Variants in ACYP1 observed in about 807,000 individuals in gnomAD.
The protein encoded by ACYP1 is acylphosphatase 1.
ACYP1 carries 8 observed loss-of-function variants against 10.4 expected under a neutral mutation model. That is an observed-to-expected ratio of 0.77 (90% CI 0.45 to 1.38). ACYP1 has a LOEUF of 1.38. Among genes scored for constraint, ACYP1 ranks in the 40% most tolerant of loss-of-function variants. The pLI is 0.00. For synonymous variants in ACYP1, 38 were observed against 40.8 expected, an observed-to-expected ratio of 0.93 and a Z score of 0.26; for missense variants, 93 against 117.3, an observed-to-expected ratio of 0.79 and a Z score of 0.96.
At chr14:75,068,509 G>C (rs1225248409), upstream of ACYP1, among the ~76,000 whole-genome samples, 1 of 151,802 alleles carries the variant, frequency 6.6e-6, no homozygotes, top group Non-Finnish European at 1.5e-5. Flanking sequence ...GAGGGAGACA[G>C]ACAGAGACAG....
upstream of ACYP1, among the ~76,000 whole-genome samples, chr14:75,068,467 TAGAGGAGAGGGAAGGAGAGAGAG>T (rs1893199372): frequency 6.7e-6 from 1 of 150,044 alleles, no homozygotes; most frequent in Non-Finnish European, 1.5e-5. Flanking sequence ...TTCTTTCTCA[TAGAGGAGAGGGAAGGAGAGAGAG>T]AGAGGAGAGA....
At chr14:75,065,805 A>T (rs1893133384), upstream of ACYP1, among the ~76,000 whole-genome samples, 1 of 152,250 alleles carries the variant, frequency 6.6e-6, no homozygotes, top group Non-Finnish European at 1.5e-5. Flanking sequence ...ACAGGGAAAG[A>T]GTTCTTGGAG....
intron 2 of ACYP1, chr14:75,063,234 T>C (rs1234830247): frequency 2.0e-5 from 10 of 504,572 alleles, no homozygotes; most frequent in Non-Finnish European, 3.6e-5. Flanking sequence ...AGCTCATTAA[T>C]ATGTGTATCT....
rs550829508 is a variant in ACYP1, at chr14:75,053,545, C to A, written c.199G>T (p.Glu67Ter). The change falls in exon 3 of 3, where the codon GAA becomes TAA. Residue 67 changes from glutamate (E) to a stop codon, truncating the protein, a stop_gained. Transcript: ENST00000238618. LOFTEE classifies it high-confidence loss of function. ...TGTGATTTAGGACTTCCTCTTGTTT[C>A]AAGCCATTCCTGCATATGACGCACC... ...SKVRHMQEWLETRGSPKSHID... is the reference protein window; with the variant it reads ...SKVRHMQEWL 1.2e-6 allele frequency: 2 copies of A among 1,614,176 alleles called. No individual in the cohort carries two copies. The highest frequency in any genetic ancestry group is 2.7e-5 in the African/African-American group (2 of 75,038).
chr14:75,055,264 T>G (rs1892848812), intron 2 of ACYP1, among the ~76,000 whole-genome samples: 1 of 150,860 alleles, frequency 6.6e-6, no homozygotes, highest in African/African-American at 2.5e-5. Flanking sequence ...TTTTTTTGTA[T>G]TTTTAGTAGA....
At chr14:75,058,267 G>A (rs1278760253) in intron 2 of ACYP1, among the ~76,000 whole-genome samples, 2 of 150,872 alleles carry the variant, frequency 1.3e-5, no homozygotes, top group African/African-American at 2.5e-5. Flanking sequence ...TGGCCAACAC[G>A]GTGAAACCCT....
chr14:75,059,146 C>T (rs541507413), intron 2 of ACYP1, among the ~76,000 whole-genome samples: 4 of 135,596 alleles, frequency 2.9e-5, no homozygotes, highest in South Asian at 2.4e-4. Flanking sequence ...AGATCGAGAT[C>T]GCGCCACTGC....
At chr14:75,064,154 G>A (rs1209252712), upstream of ACYP1, 9 of 481,226 alleles carry the variant, frequency 1.9e-5, no homozygotes, top group Non-Finnish European at 2.4e-5. Flanking sequence ...TTCAGGACGC[G>A]GTTGTCCGGC....
upstream of ACYP1, among the ~76,000 whole-genome samples, chr14:75,067,403 G>C (rs1462461284): frequency 6.6e-6 from 1 of 152,168 alleles, no homozygotes; most frequent in African/African-American, 2.4e-5. Flanking sequence ...TGTCACATGA[G>C]TAGGCTGAAA....
chr14:75,065,834 AG>A (rs1330014083), upstream of ACYP1, among the ~76,000 whole-genome samples: 16 of 152,180 alleles, frequency 1.1e-4, no homozygotes, highest in Admixed American at 1.0e-3. Context: ...ATTTAATCCA[AG>A]GTCACACAAC....
chr14:75,064,164 C>T, upstream of ACYP1: 2 of 380,316 alleles, frequency 5.3e-6, no homozygotes, highest in Non-Finnish European at 7.2e-6. Flanking sequence ...GGTTGTCCGG[C>T]AACCCAAAAG....
Position 75,053,579 on chromosome 14 carries a change from G to T in ACYP1, c.165C>A (p.Pro55=). ...RGTVQGQLQG[P]ISKVRHMQEW... ...CCTGCATATGACGCACCTTGGAGAT[G>T]GGACCTTGCAATTGTCCTTGCACTG... Residue 55 remains proline (P), a synonymous_variant, in exon 3 of 3, where the codon CCC becomes CCA. Transcript: ENST00000238618. The T allele has an allele frequency of 6.2e-7, 1 of 1,614,144 alleles. No individual in the cohort carries two copies. Among genetic ancestry groups the T allele is most frequent in the Non-Finnish European group, 8.5e-7 (1 of 1,180,030 alleles).
intron 2 of ACYP1, among the ~76,000 whole-genome samples, chr14:75,055,171 C>T (rs1417893342): frequency 6.7e-6 from 1 of 148,818 alleles, no homozygotes; most frequent in Non-Finnish European, 1.5e-5. Context: ...ACTGCAAGCT[C>T]CGCCTCCCAG....
intron 2 of ACYP1, 138 bp downstream of exon 2, chr14:75,063,332 T>G: frequency 1.5e-6 from 1 of 677,624 alleles, no homozygotes; most frequent in Non-Finnish European, 2.7e-6. Context: ...ATTTTCATAC[T>G]CATTGCTCTA....
chr14:75,066,713 G>A (rs570447427), upstream of ACYP1, among the ~76,000 whole-genome samples: 4 of 152,228 alleles, frequency 2.6e-5, no homozygotes, highest in East Asian at 1.9e-4. Flanking sequence ...TTAGTTGGGC[G>A]TGGTGGTGCA....
At chr14:75,057,328 C>T (rs1892900535) in intron 2 of ACYP1, among the ~76,000 whole-genome samples, 1 of 151,454 alleles carries the variant, frequency 6.6e-6, no homozygotes, top group Non-Finnish European at 1.5e-5. Context: ...ATCTACAAAA[C>T]ATTCTTGAAA....
chr14:75,063,588 G>A (rs375742058), intron 1 of ACYP1, 27 bp from the exon 2 acceptor site: 875 of 1,586,724 alleles, frequency 5.5e-4, no homozygotes, highest in Non-Finnish European at 6.4e-4. Context: ...AAGCAGAAGA[G>A]TGAAGGGCTA....
chr14:75,058,416 T>C (rs976873399), intron 2 of ACYP1, among the ~76,000 whole-genome samples: 1 of 151,208 alleles, frequency 6.6e-6, no homozygotes, highest in Non-Finnish European at 1.5e-5. Context: ...GTCACTGCAC[T>C]CTAGCCTGGG....
chr14:75,063,625 C>G (rs901902303), intron 1 of ACYP1, 64 bp from the exon 2 acceptor site: 36 of 1,332,030 alleles, frequency 2.7e-5, no homozygotes, highest in Non-Finnish European at 3.7e-5. Context: ...AAGCCTGAGT[C>G]AGAAAGGGCC....
Sources: allele counts gnomAD v4.1 joint callset (sites outside exome capture counted in the v4.1 genomes callset), GRCh38; gene constraint gnomAD v4.1.1; transcripts MANE v1.5; gene names NCBI Gene and HGNC (gene_info 2026-07-23, HGNC 2026-07-21).